Variants in UTRN observed in about 807,000 individuals in gnomAD.
UTRN encodes dystrophin-related protein 1.
In UTRN, 283 loss-of-function variants were observed where a neutral mutation model predicts 463.9. The ratio of observed to expected loss-of-function variants is 0.61; its 90% CI spans 0.55 to 0.67. UTRN has a LOEUF of 0.67. Among genes scored for constraint, UTRN ranks in the 30% least tolerant of loss-of-function variants. The probability of loss-of-function intolerance (pLI) is 0.00; values close to 1 mark genes in which losing one functional copy is unlikely to be tolerated. For synonymous variants in UTRN, 1,442 were observed against 1,431.5 expected, an observed-to-expected ratio of 1.01 and a Z score of -0.17; for missense variants, 3,922 against 4,084.3, an observed-to-expected ratio of 0.96 and a Z score of 1.08.
chr6:144,532,452 G>C (rs4076068), intron 42 of UTRN, among the ~76,000 whole-genome samples: 17,217 of 152,056 alleles, frequency 0.11, 1,798 homozygotes, highest in East Asian at 0.54. Context: ...TGAGCAAAGT[G>C]GGGGAAAAGT....
At chr6:144,721,700 G>A (rs1787190604) in intron 53 of UTRN, among the ~76,000 whole-genome samples, 1 of 152,090 alleles carries the variant, frequency 6.6e-6, no homozygotes, top group Admixed American at 6.6e-5. Context: ...TCAAAATTCA[G>A]TTTTTGGGAT....
intron 46 of UTRN, among the ~76,000 whole-genome samples, chr6:144,548,303 A>C (rs1342618292): frequency 6.6e-6 from 1 of 152,244 alleles, no homozygotes; most frequent in East Asian, 1.9e-4. Context: ...AAAAAAATAA[A>C]AAATTATGAA....
At chr6:144,787,502 A>G (rs1776389246) in intron 61 of UTRN, among the ~76,000 whole-genome samples, 1 of 152,154 alleles carries the variant, frequency 6.6e-6, no homozygotes, top group Middle Eastern at 3.2e-3. Context: ...TAAATTATAA[A>G]CTCTATCCTA....
chr6:144,724,878 G>T (rs1382187898), intron 53 of UTRN, among the ~76,000 whole-genome samples: 1 of 152,146 alleles, frequency 6.6e-6, no homozygotes, highest in Non-Finnish European at 1.5e-5. Flanking sequence ...TGGCTATTAT[G>T]AATAAGGCTA....
intron 39 of UTRN, among the ~76,000 whole-genome samples, chr6:144,519,600 C>T (rs1409510601): frequency 6.6e-6 from 1 of 151,912 alleles, no homozygotes; most frequent in Non-Finnish European, 1.5e-5. Context: ...TTTTTTAGTC[C>T]TAGGGCATTT....
intron 19 of UTRN, among the ~76,000 whole-genome samples, chr6:144,457,272 T>G (rs1038919123): frequency 4.6e-5 from 7 of 152,212 alleles, no homozygotes; most frequent in African/African-American, 1.7e-4. Context: ...TTGTAAGACA[T>G]TGTCAGTGAA....
chr6:144,500,722 T>A (rs1011265107), intron 34 of UTRN, among the ~76,000 whole-genome samples: 3 of 152,330 alleles, frequency 2.0e-5, no homozygotes, highest in East Asian at 3.9e-4. Context: ...AATAGAATTT[T>A]AAAAAATCAA....
In UTRN at chr6:144,852,150, C is replaced by A. The variant is rs1042984697; in HGVS notation, c.*1153C>A. ...GGGTGAAAGATCAGATGTTTTTATACCCTTCACTTGATCAATATATTTGGA... is the reference window on the plus strand; with the variant it reads ...GGGTGAAAGATCAGATGTTTTTATAACCTTCACTTGATCAATATATTTGGA... On this transcript the variant is annotated 3_prime_UTR_variant, in exon 75 of 75. Transcript: ENST00000367545. 1.3e-5 allele frequency: 2 copies of A among 152,114 alleles called. No individual in the cohort carries two copies. Among genetic ancestry groups the A allele is most frequent in the African/African-American group, 4.8e-5 (2 of 41,422 alleles). The allele number at this position is 152,114 out of a possible 1,614,324, so 9.4% of individuals were successfully genotyped here.
chr6:144,800,761 A>G (rs1777631803), intron 64 of UTRN, among the ~76,000 whole-genome samples: 1 of 149,402 alleles, frequency 6.7e-6, no homozygotes, highest in African/African-American at 2.4e-5. Context: ...TTAGTGTGAT[A>G]GTAGCTAAAC....
intron 51 of UTRN, among the ~76,000 whole-genome samples, chr6:144,584,388 A>G (rs1802261951): frequency 1.3e-5 from 2 of 152,096 alleles, no homozygotes; most frequent in South Asian, 2.1e-4. Flanking sequence ...TATAATAGCA[A>G]TTTTTACACT....
intron 52 of UTRN, among the ~76,000 whole-genome samples, chr6:144,690,095 T>TTTTTTTTTTTTGTG (rs59704043): frequency 9.0e-5 from 3 of 33,444 alleles, no homozygotes; most frequent in South Asian, 1.8e-3. Flanking sequence ...TTTTTTTTTT[T>TTTTTTTTTTTTGTG]TGTGTGTGTG....
At chr6:144,361,507 G>A (rs147991418) in intron 2 of UTRN, among the ~76,000 whole-genome samples, 288 of 152,254 alleles carry the variant, frequency 1.9e-3, no homozygotes, top group African/African-American at 6.0e-3. Context: ...GGAAGACCAG[G>A]TGGATCTATT....
intron 72 of UTRN, 73 bp downstream of exon 72, chr6:144,839,357 A>G (rs1781367405): frequency 7.8e-7 from 1 of 1,279,004 alleles, no homozygotes; most frequent in Non-Finnish European, 1.1e-6. Context: ...GTTTCCTGTT[A>G]AGTAACATTC....
In UTRN at chr6:144,538,656, C is replaced by T. The variant is rs1457809926; in HGVS notation, c.6370-638C>T. Among the ~76,000 whole-genome samples the T allele has an allele frequency of 1.5e-4, 21 of 140,938 alleles. 1 individual carries two copies. The highest frequency in any genetic ancestry group is 8.8e-4 in the South Asian group (4 of 4,566). The allele number at this position is 140,938 out of a possible 152,430, so 92.5% of individuals were successfully genotyped here. ...CTGCACTCCAGCCTGGCTGACAGAG[C>T]GAGACTCCGTCTCAAAAAAAAAAAA... On this transcript the variant is annotated intron_variant, in intron 44 of 74. Transcript: ENST00000367545.
At chr6:144,621,973 T>C (rs1446479987) in intron 51 of UTRN, among the ~76,000 whole-genome samples, 2 of 152,102 alleles carry the variant, frequency 1.3e-5, no homozygotes, top group Admixed American at 6.6e-5. Flanking sequence ...TTATAATTAG[T>C]TTATTTAAAG....
At chr6:144,447,871 C>T (rs932276883) in intron 16 of UTRN, 90 bp downstream of exon 16, 214 of 1,369,930 alleles carry the variant, frequency 1.6e-4, no homozygotes, top group Non-Finnish European at 2.0e-4. Context: ...ATGAAATAAA[C>T]TAAAAAGTTG....
At chr6:144,582,865 A>AT (rs960854007) in intron 51 of UTRN, among the ~76,000 whole-genome samples, 3 of 151,846 alleles carry the variant, frequency 2.0e-5, no homozygotes, top group Non-Finnish European at 2.9e-5. Flanking sequence ...TCTGGGGGTG[A>AT]TTTTTTAGCA....
chr6:144,350,324 C>G (rs1778004956), intron 2 of UTRN, among the ~76,000 whole-genome samples: 1 of 151,644 alleles, frequency 6.6e-6, no homozygotes, highest in Admixed American at 6.6e-5. Flanking sequence ...TCCTTCCTCT[C>G]TCCAAAACCA....
intron 58 of UTRN, among the ~76,000 whole-genome samples, chr6:144,767,384 C>T (rs1466885736): frequency 6.6e-6 from 1 of 152,102 alleles, no homozygotes; most frequent in Non-Finnish European, 1.5e-5. Context: ...TAATGATAGA[C>T]CATGGACTCA....
Sources: gnomAD v4.1 joint callset for allele counts (sites outside exome capture counted in the v4.1 genomes callset) on GRCh38, gnomAD v4.1.1 for gene constraint, MANE v1.5 for transcripts, NCBI Gene and HGNC (gene_info 2026-07-23, HGNC 2026-07-21) for gene names.